Variants in SLC11A2 observed in about 807,000 individuals in gnomAD.
The protein encoded by SLC11A2 is solute carrier family 11 member 2, also known as natural resistance-associated macrophage protein 2.
Under a neutral mutation model 68.0 loss-of-function variants are expected in SLC11A2, and 38 were observed. The ratio of observed to expected loss-of-function variants is 0.56; its 90% CI spans 0.43 to 0.73. SLC11A2 has a LOEUF of 0.73. Among genes scored for constraint, SLC11A2 ranks in the 30% least tolerant of loss-of-function variants. SLC11A2 has a pLI of 0.00. For synonymous variants in SLC11A2, 242 were observed against 250.6 expected (o/e 0.97, Z 0.32); for missense variants, 517 against 690.5 (o/e 0.75, Z 2.82).
At chr12:50,969,967 G>T in the SLC11A2 span, among the ~76,000 whole-genome samples, 9 of 151,838 alleles carry the variant, frequency 5.9e-5, no homozygotes, top group African/African-American at 2.2e-4. Context: ...CCCCCTTTCT[G>T]CATGCCCCAG....
chr12:51,023,662 T>C (rs550532470), intron 1 of SLC11A2, among the ~76,000 whole-genome samples: 4 of 152,152 alleles, frequency 2.6e-5, no homozygotes, highest in Admixed American at 1.3e-4. Flanking sequence ...AAAGGTGTCA[T>C]TCCCATGCCT....
At chr12:51,020,666 T>G (rs1332586232) in intron 1 of SLC11A2, among the ~76,000 whole-genome samples, 1 of 152,188 alleles carries the variant, frequency 6.6e-6, no homozygotes, top group African/African-American at 2.4e-5. Flanking sequence ...GGTTCCACAT[T>G]TGTGGTTTCA....
downstream of SLC11A2, among the ~76,000 whole-genome samples, chr12:50,984,900 G>C (rs1940400922): frequency 6.6e-6 from 1 of 152,050 alleles, no homozygotes; most frequent in African/African-American, 2.4e-5. Flanking sequence ...CAACATGAAG[G>C]GTATACTATA....
At chr12:51,001,804 A>T (rs1942274014) in intron 5 of SLC11A2, among the ~76,000 whole-genome samples, 1 of 152,186 alleles carries the variant, frequency 6.6e-6, no homozygotes, top group African/African-American at 2.4e-5. Flanking sequence ...ACTGCACTCC[A>T]GAGTGGGCAA....
chr12:50,957,892 AAAAAC>A, the SLC11A2 span, among the ~76,000 whole-genome samples: 1 of 151,812 alleles, frequency 6.6e-6, no homozygotes, highest in South Asian at 2.1e-4. Context: ...TCTGAAGAAA[AAAAAC>A]AAAACAAAAA....
At chr12:50,964,894 T>C in the SLC11A2 span, among the ~76,000 whole-genome samples, 1 of 152,194 alleles carries the variant, frequency 6.6e-6, no homozygotes, top group East Asian at 1.9e-4. Flanking sequence ...TGGTATCTTT[T>C]TTCAAAGACT....
At chr12:51,026,016 A>G in intron 1 of SLC11A2, 1 of 1,043,010 alleles carries the variant, frequency 9.6e-7, no homozygotes, top group Non-Finnish European at 1.2e-6. Context: ...TGCAGCTGGG[A>G]GCTGGGCCAT....
intron 5 of SLC11A2, 118 bp downstream of exon 5, chr12:51,004,670 G>A: frequency 9.2e-7 from 1 of 1,088,348 alleles, no homozygotes; most frequent in Non-Finnish European, 1.4e-6. Flanking sequence ...TCTGTCTTCA[G>A]GGCCACTGAC....
Position 50,992,842 on chromosome 12 carries a change from T to C in SLC11A2, c.1165A>G (p.Thr389Ala), listed in dbSNP as rs1941311753. ...ACAAACTGGCCAGAATAGGTTCCTG[T>C]CATGGTGGAGCTCTGTCCTGCAGCC... ...ILAAGQSSTM[T>A]GTYSGQFVME... Residue 389 changes from threonine (T) to alanine (A), a missense_variant, in exon 12 of 16, where the codon ACA becomes GCA. Coordinates refer to ENST00000262052, the MANE Select transcript of SLC11A2 (RefSeq NM_000617.3). 2 of 1,613,790 alleles carry C rather than the reference T, an allele frequency of 1.2e-6. No individual in the cohort carries two copies. Among genetic ancestry groups the C allele is most frequent in the Admixed American group, 1.7e-5 (1 of 59,974 alleles).
chr12:51,026,283 T>G, intron 1 of SLC11A2, 27 bp downstream of exon 1: 1 of 1,222,466 alleles, frequency 8.2e-7, no homozygotes, highest in Non-Finnish European at 1.1e-6. Flanking sequence ...CGGAATGCCG[T>G]GACCCCTGAC....
Position 51,005,183 on chromosome 12 carries a change from A to G in SLC11A2, c.309+128T>C, listed in dbSNP as rs78357601. On this transcript the variant is annotated intron_variant, in intron 4 of 15. Transcript: ENST00000262052. The stretch of plus-strand genomic sequence containing the variant: ...AGACCAAATGGAAAGTACTTTACAC[A>G]TAAGAGCCACTGCCAATGAAGTATC... 2.0e-3 allele frequency: 2,098 copies of G among 1,073,686 alleles called. 32 individuals carry two copies. In the African/African-American group the frequency reaches 0.028, roughly 15 times the overall value. 66.5% of individuals were successfully genotyped at this position (1,073,686 alleles called of 1,614,324 possible).
the SLC11A2 span, chr12:50,970,339 C>A: frequency 1.4e-6 from 1 of 710,200 alleles, no homozygotes; most frequent in Non-Finnish European, 2.5e-6. Flanking sequence ...TTGTTTGTTT[C>A]TGTTTAAATT....
At chr12:51,008,325 GTATA>G in intron 3 of SLC11A2, 147 bp downstream of exon 3, 11 of 530,784 alleles carry the variant, frequency 2.1e-5, no homozygotes, top group East Asian at 7.2e-5. Context: ...GTGTGTGTGT[GTATA>G]TATATATATA....
Position 50,990,828 on chromosome 12 carries a change from G to A in SLC11A2, c.1542C>T (p.Val514=). 6.2e-7 allele frequency: 1 copy of A among 1,614,114 alleles called. No individual in the cohort carries two copies. Among genetic ancestry groups the A allele is most frequent in the South Asian group, 1.1e-5 (1 of 91,082 alleles). ...HVALYVVAAV[V]SVAYLGFVFY... ...ACACAAAGCCCAGATAAGCCACGCT[G>A]ACCACAGCAGCCACCACATATAATG... The change falls in exon 15 of 16, where the codon GTC becomes GTT. Residue 514 remains valine, a synonymous_variant. Transcript: ENST00000262052.
chr12:50,975,770 G>C (rs957297938), downstream of SLC11A2, among the ~76,000 whole-genome samples: 1 of 152,132 alleles, frequency 6.6e-6, no homozygotes, highest in African/African-American at 2.4e-5. Flanking sequence ...AGAAAAGAGA[G>C]AAGAATCAAA....
intron 3 of SLC11A2, among the ~76,000 whole-genome samples, chr12:51,007,332 CTTGT>C (rs1336403210): frequency 2.0e-5 from 3 of 152,086 alleles, no homozygotes; most frequent in Admixed American, 6.6e-5. Flanking sequence ...GAGTTTGACT[CTTGT>C]TTGTTTGTTT....
the SLC11A2 span, among the ~76,000 whole-genome samples, chr12:50,959,374 C>A: frequency 6.6e-6 from 1 of 152,132 alleles, no homozygotes; most frequent in Non-Finnish European, 1.5e-5. Context: ...CCTGCATTGG[C>A]CTCCCAAAGT....
At chr12:50,962,013 C>G in the SLC11A2 span, among the ~76,000 whole-genome samples, 2 of 152,158 alleles carry the variant, frequency 1.3e-5, no homozygotes, top group Non-Finnish European at 2.9e-5. Flanking sequence ...AGTCCCTACC[C>G]TTAAACAGTT....
intron 1 of SLC11A2, chr12:51,026,035 G>C: frequency 9.1e-7 from 1 of 1,093,324 alleles, no homozygotes; most frequent in Non-Finnish European, 1.1e-6. Context: ...ATGTGTCCTA[G>C]GCCGCGGCGG....
Sources: gnomAD v4.1 joint callset for allele counts (sites outside exome capture counted in the v4.1 genomes callset) on GRCh38, gnomAD v4.1.1 for gene constraint, MANE v1.5 for transcripts, NCBI Gene and HGNC (gene_info 2026-07-23, HGNC 2026-07-21) for gene names.